LRRFIP1: variants seen among roughly 807,000 people sequenced by gnomAD.
The protein encoded by LRRFIP1 is LRR binding FLII interacting protein 1, also known as leucine-rich repeat flightless-interacting protein 1.
A neutral mutation model predicts 104.4 loss-of-function variants in LRRFIP1; 62 were observed. The observed-to-expected ratio is 0.59, with a 90% CI of 0.48 to 0.73. The LOEUF (loss-of-function observed/expected upper bound fraction) is 0.73, where lower values mean the gene tolerates loss of function less well. Ranked by LOEUF, LRRFIP1 falls within the 30% of genes least tolerant of loss-of-function variation. LRRFIP1 has a pLI of 0.00. For synonymous variants in LRRFIP1, 300 were observed against 299.0 expected (o/e 1.00, Z -0.03); for missense variants, 796 against 824.5 (o/e 0.97, Z 0.42).
chr2:237,679,741 T>C (rs939558925), intron 1 of LRRFIP1, among the ~76,000 whole-genome samples: 2 of 152,204 alleles, frequency 1.3e-5, no homozygotes, highest in Admixed American at 1.3e-4. Flanking sequence ...CCCGAGTAGC[T>C]GGGATTGCAG....
At chr2:237,720,951 A>G (rs2094516663) in intron 6 of LRRFIP1, 129 bp downstream of exon 6, 1 of 773,164 alleles carries the variant, frequency 1.3e-6, no homozygotes, top group Non-Finnish European at 2.2e-6. Flanking sequence ...AACCGATGAG[A>G]TGCTTACTTA....
At chr2:237,758,845 A>G (rs376586810) in intron 18 of LRRFIP1, 24 bp downstream of exon 18, 2 of 1,534,300 alleles carry the variant, frequency 1.3e-6, no homozygotes, top group African/African-American at 1.7e-5. Flanking sequence ...CTACAGTTTT[A>G]TTTAAAAAAA....
intron 8 of LRRFIP1, among the ~76,000 whole-genome samples, chr2:237,732,738 G>T (rs562432132): frequency 6.6e-6 from 1 of 152,262 alleles, no homozygotes; most frequent in South Asian, 2.1e-4. Context: ...CCCCATTTGG[G>T]GTTTCATTTG....
intron 1 of LRRFIP1, among the ~76,000 whole-genome samples, chr2:237,643,739 AAT>A: frequency 1.0e-5 from 1 of 95,538 alleles, no homozygotes; most frequent in Non-Finnish European, 2.2e-5. Flanking sequence ...GGAACAGATG[AAT>A]GAATGAATGA....
In LRRFIP1 at chr2:237,735,380, G is replaced by T; in HGVS notation, c.555+47G>T. 2 of 1,577,746 alleles carry T rather than the reference G, an allele frequency of 1.3e-6. No homozygotes were observed. ...CTCCTTTCCCCCGTGCCTGCTGCAT[G>T]GCCTGGGGATGCTCGCTGGGCAGGG... On this transcript the variant is annotated intron_variant, in intron 10 of 23. Coordinates refer to ENST00000308482, the MANE Select transcript of LRRFIP1 (RefSeq NM_001137550.2). This position sits in a 1 kb window ranked among gnomAD's most constrained non-coding sequence, Gnocchi z 4.6.
chr2:237,705,551 C>T lies in LRRFIP1; in HGVS notation c.97-2993C>T, dbSNP rs137956828. The stretch of plus-strand genomic sequence containing the variant: ...GGTGGCACCTGCCCTGTAGTGCCAG[C>T]TACTTGGGAGGCCGAGGTGGGAGAA... On this transcript the variant is annotated intron_variant, in intron 1 of 23. Coordinates refer to ENST00000308482, the MANE Select transcript of LRRFIP1 (RefSeq NM_001137550.2). Among the ~76,000 whole-genome samples, 343 of 152,084 alleles carry T rather than the reference C, an allele frequency of 2.3e-3. 10 individuals carry two copies. In the East Asian group the frequency reaches 0.046, roughly 20 times the overall value.
intron 17 of LRRFIP1, among the ~76,000 whole-genome samples, 179 bp downstream of exon 17, chr2:237,757,727 A>G (rs2059415733): frequency 6.6e-6 from 1 of 151,996 alleles, no homozygotes; most frequent in African/African-American, 2.4e-5. Flanking sequence ...AACTTATCCA[A>G]ATTGATATGA....
chr2:237,666,075 T>C (rs749752914), intron 1 of LRRFIP1, among the ~76,000 whole-genome samples: 13 of 152,234 alleles, frequency 8.5e-5, no homozygotes, highest in African/African-American at 1.4e-4. Flanking sequence ...ATTGTCCACA[T>C]GACCTCAAGC....
At chr2:237,749,558 G>A (rs1177557560) in intron 13 of LRRFIP1, among the ~76,000 whole-genome samples, 1 of 152,094 alleles carries the variant, frequency 6.6e-6, no homozygotes, top group East Asian at 1.9e-4. Context: ...CCGTGTGCCG[G>A]CCCCCTGCGC....
chr2:237,740,223 T>G (rs148653719), intron 11 of LRRFIP1, among the ~76,000 whole-genome samples: 237 of 146,772 alleles, frequency 1.6e-3, no homozygotes, highest in African/African-American at 5.7e-3. Flanking sequence ...TTGGCCAACA[T>G]AGCAAGACCC....
intron 1 of LRRFIP1, among the ~76,000 whole-genome samples, chr2:237,642,183 T>C (rs990689832): frequency 1.3e-5 from 2 of 152,194 alleles, no homozygotes; most frequent in Non-Finnish European, 2.9e-5. Context: ...GACACGAGGC[T>C]TAGGATGGGC....
intron 11 of LRRFIP1, among the ~76,000 whole-genome samples, chr2:237,743,315 T>C (rs2057372626): frequency 2.0e-5 from 3 of 151,968 alleles, no homozygotes; most frequent in Admixed American, 1.3e-4. Context: ...GGTGGTGCTG[T>C]TAAAGGGCAG....
At position 237,735,638 on chromosome 2, in the gene LRRFIP1, C is replaced by G; in HGVS notation, c.555+305C>G. On this transcript the variant is annotated intron_variant, in intron 10 of 23. Coordinates refer to ENST00000308482, the MANE Select transcript of LRRFIP1 (RefSeq NM_001137550.2). This position sits in a 1 kb window ranked among gnomAD's most constrained non-coding sequence, Gnocchi z 4.6. ...TGAAACCGTCTTCGGTTAATAAAAA[C>G]GGGAAAAGGACAACTTGACAGACCA... 1 of 311,814 alleles carries G rather than the reference C, an allele frequency of 3.2e-6. No individual in the cohort carries two copies. Among genetic ancestry groups the G allele is most frequent in the Middle Eastern group, 9.6e-4 (1 of 1,044 alleles). 19.3% of individuals were successfully genotyped at this position (311,814 alleles called of 1,614,324 possible). A position where few individuals can be genotyped will look rare whatever the true frequency, so the allele number is the denominator to read the frequency against.
rs112143202 is a variant in LRRFIP1 at position 237,704,077 on chromosome 2, G to A, written c.97-4467G>A. On this transcript the variant is annotated intron_variant, in intron 1 of 23. Transcript: ENST00000308482. ...CTCTCCCCAATGTCTGCCATCTGCC[G>A]TGCCCTGTCAGGCTGCTGTGCCATT... Among the ~76,000 whole-genome samples the A allele has an allele frequency of 3.0e-4, 46 of 151,696 alleles. 2 individuals are homozygous for A. Among genetic ancestry groups the A allele is most frequent in the African/African-American group, 8.2e-4 (34 of 41,358 alleles).
At chr2:237,723,013 TTTTA>T (rs1259008923) in intron 6 of LRRFIP1, among the ~76,000 whole-genome samples, 1 of 152,202 alleles carries the variant, frequency 6.6e-6, no homozygotes, top group Non-Finnish European at 1.5e-5. Flanking sequence ...AGATCGTATC[TTTTA>T]TTTATTGACT....
chr2:237,663,428 TCC>T (rs11313761), intron 1 of LRRFIP1, among the ~76,000 whole-genome samples: 1 of 151,804 alleles, frequency 6.6e-6, no homozygotes, highest in Non-Finnish European at 1.5e-5. Flanking sequence ...GGGAGTTCTT[TCC>T]CCCCCCATCC....
chr2:237,781,474 G>A lies in LRRFIP1; in HGVS notation c.*1942G>A, dbSNP rs970301331. Among the ~76,000 whole-genome samples the A allele has an allele frequency of 6.6e-6, 1 of 152,174 alleles. No homozygotes were observed. The highest frequency in any genetic ancestry group is 1.9e-4 in the East Asian group (1 of 5,194). Reference sequence around the variant, plus strand: ...GGTGTCTCACAGCCCTGAGAAGATGGCGTTTTCCCTATCAGTGGCTCTGAG... The same window carrying A: ...GGTGTCTCACAGCCCTGAGAAGATGACGTTTTCCCTATCAGTGGCTCTGAG... On this transcript the variant is annotated 3_prime_UTR_variant, in exon 24 of 24. Coordinates refer to ENST00000308482, the MANE Select transcript of LRRFIP1 (RefSeq NM_001137550.2).
At chr2:237,627,761 GC>G in intron 1 of LRRFIP1, 21 bp downstream of exon 1, 9 of 1,209,814 alleles carry the variant, frequency 7.4e-6, no homozygotes, top group Non-Finnish European at 9.3e-6. Context: ...CGGGAGGGCA[GC>G]CGGGGGGCGC....
At chr2:237,634,357 A>T (rs1251374364) in intron 1 of LRRFIP1, among the ~76,000 whole-genome samples, 1 of 152,300 alleles carries the variant, frequency 6.6e-6, no homozygotes. Flanking sequence ...TCTGCATCAC[A>T]CTATAGTTCA....
Sources: allele counts gnomAD v4.1 joint callset (sites outside exome capture counted in the v4.1 genomes callset), GRCh38; gene constraint gnomAD v4.1.1; non-coding constraint Gnocchi (gnomAD v3.1); transcripts MANE v1.5; gene names NCBI Gene and HGNC (gene_info 2026-07-23, HGNC 2026-07-21).